The following SYT2 variants were observed in gnomAD, a reference collection of about 807,000 sequenced individuals.
The protein encoded by SYT2 is synaptotagmin 2.
A neutral mutation model predicts 39.9 loss-of-function variants in SYT2; 15 were observed. The observed-to-expected ratio is 0.38, with a 90% confidence interval of 0.25 to 0.58. SYT2 has a LOEUF of 0.58. Ranked by LOEUF, SYT2 falls within the 20% of genes least tolerant of loss-of-function variation. The pLI, the probability that SYT2 is intolerant of heterozygous loss-of-function variation, is 0.70. For missense variants in SYT2, 389 were observed against 530.3 expected (o/e 0.73, Z 2.62); for synonymous variants, 181 against 204.5 (o/e 0.89, Z 0.98).
intron 1 of SYT2, among the ~76,000 whole-genome samples, chr1:202,680,462 G>A (rs1023477211): frequency 6.6e-6 from 1 of 152,138 alleles, no homozygotes; most frequent in East Asian, 1.9e-4. Context: ...GATCACTTGA[G>A]CCCAAGAGGA....
At chr1:202,621,443 T>C (rs1691199718) in intron 1 of SYT2, among the ~76,000 whole-genome samples, 1 of 152,050 alleles carries the variant, frequency 6.6e-6, no homozygotes, top group African/African-American at 2.4e-5. Flanking sequence ...ACCACACACA[T>C]GCGCCACCAT....
chr1:202,627,139 G>T (rs1691440240), intron 1 of SYT2, among the ~76,000 whole-genome samples: 1 of 152,210 alleles, frequency 6.6e-6, no homozygotes. Flanking sequence ...CGGCTGGGGA[G>T]CCTAAGGCCC....
At chr1:202,681,888 G>A (rs1257477028) in intron 1 of SYT2, among the ~76,000 whole-genome samples, 1 of 152,226 alleles carries the variant, frequency 6.6e-6, no homozygotes, top group East Asian at 1.9e-4. Flanking sequence ...TTGCTTGAGA[G>A]CAATTATGAG....
intron 1 of SYT2, among the ~76,000 whole-genome samples, chr1:202,680,185 C>G (rs1354403040): frequency 6.6e-6 from 1 of 152,176 alleles, no homozygotes; most frequent in Non-Finnish European, 1.5e-5. Context: ...TACATTTTGC[C>G]TAAATATAGA....
At chr1:202,632,161 T>A (rs1232361741) in intron 1 of SYT2, 5 of 837,864 alleles carry the variant, frequency 6.0e-6, no homozygotes, top group Non-Finnish European at 7.2e-6. Flanking sequence ...CACCACTAGA[T>A]AATTTGTGGG....
chr1:202,643,322 C>A (rs1691983533), intron 1 of SYT2: 1 of 112,024 alleles, frequency 8.9e-6, no homozygotes, highest in Non-Finnish European at 1.7e-5. Context: ...GTGGAGAGGG[C>A]GGGGGCGGGG....
Position 202,649,658 on chromosome 1 carries a change from A to G in SYT2, c.-17-43869T>C, listed in dbSNP as rs112044500. Among the ~76,000 whole-genome samples the G allele has an allele frequency of 2.2e-3, 338 of 152,298 alleles. 3 individuals are homozygous for G. Among genetic ancestry groups the G allele is most frequent in the African/African-American group, 7.8e-3 (326 of 41,558 alleles). ...AACCCCTGTGCCATATGCCTTGCCA[A>G]TTGATACAGGTGCCTCCTTCCTCAG... is the stretch of plus-strand genomic sequence containing the variant. On this transcript the variant is annotated intron_variant, in intron 1 of 8. Transcript: ENST00000367268.
intron 1 of SYT2, among the ~76,000 whole-genome samples, chr1:202,658,193 G>A (rs954069074): frequency 6.6e-6 from 1 of 152,150 alleles, no homozygotes; most frequent in African/African-American, 2.4e-5. Flanking sequence ...CTGCAGGTGG[G>A]TGGATGACAA....
rs1558437010 is a variant in SYT2, at chr1:202,626,397, G to GTTTTTTTTTTTTT, written c.-17-20609_-17-20608insAAAAAAAAAAAAA. On this transcript the variant is annotated intron_variant, in intron 1 of 8. Transcript: ENST00000367268. Reference sequence around the variant, plus strand: ...TTGCATCTCCCAAGACAGCCTCTCAGCTTTTTTTTTTTTTTTTTTTTTTTT... The same window carrying GTTTTTTTTTTTTT: ...TTGCATCTCCCAAGACAGCCTCTCAGTTTTTTTTTTTTTCTTTTTTTTTTTTTTTTTTTTTTTT... 1.5e-4 allele frequency among the ~76,000 whole-genome samples: 15 copies of GTTTTTTTTTTTTT among 102,438 alleles called. 1 individual carries two copies. The East Asian group carries it at 2.0e-3, about 14-fold the overall frequency. 67.2% of individuals were successfully genotyped at this position (102,438 alleles called of 152,430 possible).
intron 1 of SYT2, among the ~76,000 whole-genome samples, chr1:202,668,195 G>A (rs114168716): frequency 0.018 from 2,787 of 152,286 alleles, 46 homozygotes; most frequent in Non-Finnish European, 0.03. Context: ...TCACAGACAC[G>A]TGGAGACATG....
chr1:202,650,345 T>C (rs1339717977), intron 1 of SYT2, among the ~76,000 whole-genome samples: 4 of 152,162 alleles, frequency 2.6e-5, no homozygotes, highest in African/African-American at 9.7e-5. Flanking sequence ...CACCTACTGG[T>C]TGGGCACATA....
intron 1 of SYT2, among the ~76,000 whole-genome samples, chr1:202,659,249 T>A (rs1006705550): frequency 6.6e-6 from 1 of 152,186 alleles, no homozygotes; most frequent in East Asian, 1.9e-4. Flanking sequence ...GTTCTTCTGA[T>A]CTTGGGTTTC....
intron 1 of SYT2, among the ~76,000 whole-genome samples, chr1:202,690,692 A>G (rs991306855): frequency 2.6e-5 from 4 of 152,252 alleles, no homozygotes; most frequent in Non-Finnish European, 5.9e-5. Flanking sequence ...TTTACTGAGT[A>G]TCTTCCAAGT....
At chr1:202,606,337 T>C (rs1285942691) in intron 1 of SYT2, among the ~76,000 whole-genome samples, 1 of 152,298 alleles carries the variant, frequency 6.6e-6, no homozygotes. Context: ...CACTCTCCTA[T>C]ATCTCATTGA....
intron 1 of SYT2, among the ~76,000 whole-genome samples, chr1:202,688,584 C>T (rs2149115951): frequency 6.6e-6 from 1 of 152,334 alleles, no homozygotes; most frequent in Middle Eastern, 3.4e-3. Context: ...GCATTTTCCT[C>T]TCTGTTAAGC....
chr1:202,647,659 A>G (rs1692114781), intron 1 of SYT2, among the ~76,000 whole-genome samples: 1 of 152,186 alleles, frequency 6.6e-6, no homozygotes, highest in Non-Finnish European at 1.5e-5. Flanking sequence ...CTTCACCTTG[A>G]CCGAGTTCCC....
At chr1:202,677,607 C>T (rs1653409838) in intron 1 of SYT2, among the ~76,000 whole-genome samples, 1 of 152,248 alleles carries the variant, frequency 6.6e-6, no homozygotes, top group Non-Finnish European at 1.5e-5. Flanking sequence ...CCCAAAGAAA[C>T]AGACACCATG....
intron 1 of SYT2, among the ~76,000 whole-genome samples, chr1:202,647,708 C>T (rs1692115962): frequency 6.6e-6 from 1 of 152,194 alleles, no homozygotes; most frequent in Non-Finnish European, 1.5e-5. Flanking sequence ...TAATGGCTCT[C>T]AGTTATTCCC....
chr1:202,668,233 C>T (rs187144649), intron 1 of SYT2, among the ~76,000 whole-genome samples: 5 of 152,308 alleles, frequency 3.3e-5, no homozygotes, highest in Admixed American at 1.3e-4. Context: ...TGCGCTCATC[C>T]ACATCTGTTG....
Sources: allele counts gnomAD v4.1 joint callset (sites outside exome capture counted in the v4.1 genomes callset), GRCh38; gene constraint gnomAD v4.1.1; transcripts MANE v1.5; gene names NCBI Gene and HGNC (gene_info 2026-07-23, HGNC 2026-07-21).